Variants in CD46 observed in about 807,000 individuals in gnomAD.
CD46 encodes membrane cofactor protein.
CD46 carries 30 observed loss-of-function variants against 53.3 expected under a neutral mutation model. The ratio of observed to expected loss-of-function variants is 0.56; its 90% CI spans 0.42 to 0.76. The LOEUF (loss-of-function observed/expected upper bound fraction) is 0.76, where lower values mean the gene tolerates loss of function less well. Among genes scored for constraint, CD46 ranks in the 30% least tolerant of loss-of-function variants. The pLI, the probability that CD46 is intolerant of heterozygous loss-of-function variation, is 0.00. For synonymous variants in CD46, 142 were observed against 152.0 expected, an observed-to-expected ratio of 0.93 and a Z score of 0.48; for missense variants, 409 against 463.0, an observed-to-expected ratio of 0.88 and a Z score of 1.07.
chr1:207,790,476 T>A (rs1243708338), intron 12 of CD46, 131 bp downstream of exon 12: 1 of 613,630 alleles, frequency 1.6e-6, no homozygotes, highest in Admixed American at 2.6e-5. Flanking sequence ...ACATTCCTGT[T>A]CCCTTTGCTA....
chr1:207,761,463 T>A lies in CD46; in HGVS notation c.673+17T>A, dbSNP rs963006904. On this transcript the variant is annotated intron_variant, in intron 5 of 12. Coordinates refer to ENST00000367042, the MANE Select transcript of CD46 (RefSeq NM_172351.3). ...AGTGTAAAGGTAGTGTTTCAATTTA[T>A]TTCCTTCTTCATTTGTAAATACTAT... is the stretch of plus-strand genomic sequence containing the variant. 4 of 1,596,276 alleles carry A rather than the reference T, an allele frequency of 2.5e-6. No individual in the cohort carries two copies. Among genetic ancestry groups the A allele is most frequent in the African/African-American group, 2.7e-5 (2 of 74,596 alleles).
At chr1:207,785,802 C>CTGCATTAGTT (rs1659219889) in intron 11 of CD46, 120 bp downstream of exon 11, 1 of 661,610 alleles carries the variant, frequency 1.5e-6, no homozygotes, top group East Asian at 2.6e-5. Context: ...AAAAAAATGC[C>CTGCATTAGTT]TGCATTAGTT....
intron 11 of CD46, among the ~76,000 whole-genome samples, chr1:207,786,355 T>TA (rs1370086692): frequency 6.6e-6 from 1 of 152,098 alleles, no homozygotes; most frequent in Non-Finnish European, 1.5e-5. Context: ...TTTTAATATA[T>TA]AAAAATGTAA....
chr1:207,756,434 G>T (rs767826675), intron 1 of CD46, among the ~76,000 whole-genome samples: 6 of 152,152 alleles, frequency 3.9e-5, no homozygotes, highest in Non-Finnish European at 8.8e-5. Flanking sequence ...GGGTTGTTTT[G>T]ATTTTCCCAG....
intron 8 of CD46, among the ~76,000 whole-genome samples, chr1:207,782,392 T>G (rs990740986): frequency 6.6e-6 from 1 of 152,124 alleles, no homozygotes; most frequent in African/African-American, 2.4e-5. Flanking sequence ...CGAATTTTAT[T>G]TCTTCCTTTC....
rs1282830013 is a variant in CD46 at position 207,793,720 on chromosome 1, G to A, written c.*243G>A. On this transcript the variant is annotated 3_prime_UTR_variant, in exon 13 of 13. Coordinates refer to ENST00000367042, the MANE Select transcript of CD46 (RefSeq NM_172351.3). The stretch of plus-strand genomic sequence containing the variant: ...GCTAATATTGCAATGTGGCTTGAAT[G>A]TAGGTAGCATCCTTTGATGCTTCTT... 1 of 781,198 alleles carries A rather than the reference G, an allele frequency of 1.3e-6. No individual in the cohort carries two copies. Among genetic ancestry groups the A allele is most frequent in the Non-Finnish European group, 2.3e-6 (1 of 442,222 alleles). The allele number at this position is 781,198 out of a possible 1,614,324, so 48.4% of individuals were successfully genotyped here.
At chr1:207,770,904 T>C (rs2102615634) in intron 8 of CD46, among the ~76,000 whole-genome samples, 1 of 152,298 alleles carries the variant, frequency 6.6e-6, no homozygotes, top group South Asian at 2.1e-4. Flanking sequence ...TTATAATCCT[T>C]TGGGTATATA....
intron 9 of CD46, chr1:207,783,554 A>G (rs1360083932): frequency 7.0e-6 from 3 of 430,782 alleles, no homozygotes; most frequent in African/African-American, 6.0e-5. Flanking sequence ...TTCTATTCAT[A>G]TCTTATATAC....
chr1:207,752,053 C>G, upstream of CD46: 1 of 770,854 alleles, frequency 1.3e-6, no homozygotes, highest in Non-Finnish European at 2.3e-6. The surrounding 1 kb of genome is among the most constrained non-coding windows in gnomAD (Gnocchi z 4.1). Flanking sequence ...CCGCCCCGGG[C>G]GCGGCTCGGG....
Position 207,752,519 on chromosome 1 carries a change from G to C in CD46, c.97+210G>C, listed in dbSNP as rs1450590878. On this transcript the variant is annotated intron_variant, in intron 1 of 12. Coordinates refer to ENST00000367042, the MANE Select transcript of CD46 (RefSeq NM_172351.3). This position sits in a 1 kb window ranked among gnomAD's most constrained non-coding sequence, Gnocchi z 4.1. Reference sequence around the variant, plus strand: ...TGAAGCTTGTTTGGTGGCGTCGTGTGCGCGGCCAGCATTTACGCAGGATCT... The same window carrying C: ...TGAAGCTTGTTTGGTGGCGTCGTGTCCGCGGCCAGCATTTACGCAGGATCT... Among the ~76,000 whole-genome samples, 2 of 152,100 alleles carry C rather than the reference G, an allele frequency of 1.3e-5. No homozygotes were observed. The highest frequency in any genetic ancestry group is 2.9e-5 in the Non-Finnish European group (2 of 68,008).
rs576684295 is a variant in CD46, at chr1:207,772,830, A to C, written c.943+2468A>C. On this transcript the variant is annotated intron_variant, in intron 8 of 12. Coordinates refer to ENST00000367042, the MANE Select transcript of CD46 (RefSeq NM_172351.3). ...TATTTTGTTGAGGATTTTTGCATCG[A>C]TGTTCATCAGGGATATTGGCCTAAA... 2.0e-5 allele frequency among the ~76,000 whole-genome samples: 3 copies of C among 152,340 alleles called. No homozygotes were observed. The East Asian group carries it at 5.8e-4, about 29-fold the overall frequency.
In CD46 at chr1:207,785,640, G is replaced by A; in HGVS notation, c.1040G>A (p.Cys347Tyr). Residue 347 changes from cysteine to tyrosine, a missense_variant, in exon 11 of 13, where the codon TGT (cysteine) becomes TAT (tyrosine). By Grantham distance (194) the Cys-to-Tyr change is radical. Coordinates refer to ENST00000367042, the MANE Select transcript of CD46 (RefSeq NM_172351.3). ...IAIVVGVAVI[C>Y]VVPYRYLQRR... Reference sequence around the variant, plus strand: ...ATAGTTGTTGGAGTTGCAGTAATTTGTGTTGTCCCGTACAGATATCTTCAA... The same window carrying A: ...ATAGTTGTTGGAGTTGCAGTAATTTATGTTGTCCCGTACAGATATCTTCAA... 1.9e-6 allele frequency: 3 copies of A among 1,611,172 alleles called. No homozygotes were observed. Among genetic ancestry groups the A allele is most frequent in the Non-Finnish European group, 2.5e-6 (3 of 1,177,528 alleles).
chr1:207,793,763 TG>T lies in CD46; in HGVS notation c.*289del. The T allele has an allele frequency of 1.4e-6, 1 of 694,290 alleles. No homozygotes were observed. Among genetic ancestry groups the T allele is most frequent in the South Asian group, 1.6e-5 (1 of 63,546 alleles). 43.0% of individuals were successfully genotyped at this position (694,290 alleles called of 1,614,324 possible). ...TGCTTCTTTGAAACTTGTATGAATTTGGGTATGAACAGATTGCCTGCTTTCC... is the reference window on the plus strand; with the variant it reads ...TGCTTCTTTGAAACTTGTATGAATTTGGTATGAACAGATTGCCTGCTTTCC... On this transcript the variant is annotated 3_prime_UTR_variant, in exon 13 of 13. Transcript: ENST00000367042.
rs1449774044 is a variant in CD46 at position 207,757,309 on chromosome 1, G to T, written c.286+107G>T. Reference sequence around the variant, plus strand: ...TGATGATTTTCTTCTTGTAAAATGAGGTTCAAGATAACAATGCATTTTTGC... The same window carrying T: ...TGATGATTTTCTTCTTGTAAAATGATGTTCAAGATAACAATGCATTTTTGC... On this transcript the variant is annotated intron_variant, in intron 2 of 12. Coordinates refer to ENST00000367042, the MANE Select transcript of CD46 (RefSeq NM_172351.3). 4.6e-6 allele frequency: 5 copies of T among 1,096,212 alleles called. No individual in the cohort carries two copies. In the East Asian group the frequency reaches 9.4e-5, roughly 21 times the overall value. The allele number at this position is 1,096,212 out of a possible 1,614,324, so 67.9% of individuals were successfully genotyped here.
In CD46 at chr1:207,793,893, A is replaced by G. The variant is rs1660024200; in HGVS notation, c.*416A>G. ...ATAAAATTGGCAAAATTAGAGAAAT[A>G]TAGTTCACAATGAAATTATATTTTC... On this transcript the variant is annotated 3_prime_UTR_variant, in exon 13 of 13. Coordinates refer to ENST00000367042, the MANE Select transcript of CD46 (RefSeq NM_172351.3). 3.1e-6 allele frequency: 1 copy of G among 319,028 alleles called. No individual in the cohort carries two copies. Among genetic ancestry groups the G allele is most frequent in the Admixed American group, 4.4e-5 (1 of 22,658 alleles). 19.8% of individuals were successfully genotyped at this position (319,028 alleles called of 1,614,324 possible). A position where few individuals can be genotyped will look rare whatever the true frequency, so the allele number is the denominator to read the frequency against.
intron 12 of CD46, 21 bp from the exon 13 acceptor site, chr1:207,793,498 T>C (rs1329563837): frequency 3.8e-6 from 6 of 1,577,852 alleles, no homozygotes; most frequent in Non-Finnish European, 4.4e-6. Flanking sequence ...TTTGACATGA[T>C]CTTTATACCT....
At chr1:207,789,498 A>G (rs1384145457) in intron 11 of CD46, among the ~76,000 whole-genome samples, 1 of 152,184 alleles carries the variant, frequency 6.6e-6, no homozygotes, top group African/African-American at 2.4e-5. Flanking sequence ...AGCAACTACA[A>G]AAATGTTTTG....
intron 10 of CD46, 99 bp downstream of exon 10, chr1:207,785,205 G>A: frequency 1.0e-6 from 1 of 982,212 alleles, no homozygotes; most frequent in Non-Finnish European, 1.6e-6. Context: ...TTTTCAGCTT[G>A]TAAATTGGTT....
At chr1:207,764,077 CTT>C (rs1239084357) in intron 5 of CD46, among the ~76,000 whole-genome samples, 1 of 151,210 alleles carries the variant, frequency 6.6e-6, no homozygotes, top group African/African-American at 2.4e-5. Flanking sequence ...AAGGTTAAAT[CTT>C]TGGAAATCAC....
Sources: gnomAD v4.1 joint callset for allele counts (sites outside exome capture counted in the v4.1 genomes callset) on GRCh38, gnomAD v4.1.1 for gene constraint, Gnocchi (gnomAD v3.1) non-coding constraint, MANE v1.5 for transcripts, NCBI Gene and HGNC (gene_info 2026-07-23, HGNC 2026-07-21) for gene names.